The following ATF7 variants were observed in gnomAD, a reference collection of about 807,000 sequenced individuals.
ATF7 encodes activating transcription factor 7, also known as cyclic AMP-dependent transcription factor ATF-7.
ATF7 carries 10 observed loss-of-function variants against 50.4 expected under a neutral mutation model. The observed-to-expected ratio is 0.20, with a 90% CI of 0.12 to 0.34. ATF7 has a LOEUF of 0.34. Among genes scored for constraint, ATF7 ranks in the 10% least tolerant of loss-of-function variants. The probability of loss-of-function intolerance (pLI) is 1.00; values close to 1 mark genes in which losing one functional copy is unlikely to be tolerated. For missense variants in ATF7, 465 were observed against 613.9 expected (o/e 0.76, Z 2.56); for synonymous variants, 201 against 226.4 (o/e 0.89, Z 1.01).
At chr12:53,536,667 C>T (rs916316815) in intron 5 of ATF7, among the ~76,000 whole-genome samples, 6 of 152,070 alleles carry the variant, frequency 3.9e-5, no homozygotes, top group African/African-American at 1.4e-4. Flanking sequence ...GCGGGCAGAT[C>T]GCCTGAGGTC....
rs1367349618 is a variant in ATF7, at chr12:53,532,930, G to A, written c.660+230C>T. On this transcript the variant is annotated intron_variant, in intron 7 of 11. Coordinates refer to ENST00000420353, the MANE Select transcript of ATF7 (RefSeq NM_006856.3). ...GTGAAAGCAACTAATCAGTGGGCTG[G>A]CAAGATCAATTCCTAGACCAGGAGC... 3.3e-5 allele frequency among the ~76,000 whole-genome samples: 5 copies of A among 152,306 alleles called. No individual in the cohort carries two copies. In the East Asian group the frequency reaches 7.7e-4, roughly 23 times the overall value.
intron 1 of ATF7, among the ~76,000 whole-genome samples, chr12:53,625,140 G>A (rs1944553244): frequency 6.6e-6 from 1 of 152,176 alleles, no homozygotes; most frequent in Non-Finnish European, 1.5e-5. Flanking sequence ...CTGGGTAGGA[G>A]GTGCCCTGGG....
In ATF7 at chr12:53,517,089, T is replaced by C. The variant is rs1937751732; in HGVS notation, c.*48A>G. ...GGGATAAGATGACATCTCTCTTGGC[T>C]CTTGGGCGGGCGAGCTCTGGCTGAG... On this transcript the variant is annotated 3_prime_UTR_variant, in exon 12 of 12. Coordinates refer to ENST00000420353, the MANE Select transcript of ATF7 (RefSeq NM_006856.3). 1 of 1,589,662 alleles carries C rather than the reference T, an allele frequency of 6.3e-7. No homozygotes were observed. Among genetic ancestry groups the C allele is most frequent in the Admixed American group, 1.7e-5 (1 of 59,972 alleles).
At chr12:53,526,837 C>A (rs1357659337) in intron 9 of ATF7, among the ~76,000 whole-genome samples, 1 of 151,522 alleles carries the variant, frequency 6.6e-6, no homozygotes, top group Non-Finnish European at 1.5e-5. Flanking sequence ...GGCGACAGAG[C>A]AACACTCGGT....
chr12:53,537,570 T>C lies in ATF7; in HGVS notation c.265-18A>G. 1.9e-6 allele frequency: 3 copies of C among 1,612,050 alleles called. No homozygotes were observed. Among genetic ancestry groups the C allele is most frequent in the Non-Finnish European group, 2.5e-6 (3 of 1,179,346 alleles). ...GCAGCAGCCTGTTGTGAAAGAAAAA[T>C]GAACAGAGTTTAACCCTATGATTCC... On this transcript the variant is annotated intron_variant, in intron 4 of 11. Transcript: ENST00000420353.
At chr12:53,540,447 G>C (rs1309190424) in intron 4 of ATF7, among the ~76,000 whole-genome samples, 2 of 152,208 alleles carry the variant, frequency 1.3e-5, no homozygotes, top group East Asian at 3.9e-4. Context: ...GTCTGGGCCA[G>C]GCGCGGTGGC....
chr12:53,622,667 A>T (rs937203763), intron 1 of ATF7, among the ~76,000 whole-genome samples: 12 of 150,978 alleles, frequency 7.9e-5, no homozygotes, highest in African/African-American at 1.5e-4. Flanking sequence ...AAAAAAAAAA[A>T]AATAGCTTAA....
chr12:53,533,416 G>A (rs1294866987), intron 6 of ATF7, among the ~76,000 whole-genome samples, 157 bp from the exon 7 acceptor site: 1 of 152,130 alleles, frequency 6.6e-6, no homozygotes, highest in Non-Finnish European at 1.5e-5. Flanking sequence ...GAGAAGGCAG[G>A]GAATCCTATT....
At chr12:53,559,642 G>A (rs912221616) in intron 2 of ATF7, among the ~76,000 whole-genome samples, 3 of 136,766 alleles carry the variant, frequency 2.2e-5, no homozygotes, top group African/African-American at 8.4e-5. Context: ...TCATGCCACT[G>A]CACTCCAGCC....
At chr12:53,534,453 A>C (rs1267020679) in intron 6 of ATF7, 49 bp downstream of exon 6, 1 of 1,606,640 alleles carries the variant, frequency 6.2e-7, no homozygotes, top group African/African-American at 1.3e-5. Flanking sequence ...GTTTCATGTA[A>C]TGGAAAGAAA....
intron 3 of ATF7, among the ~76,000 whole-genome samples, chr12:53,544,423 T>C (rs1433234661): frequency 6.6e-6 from 1 of 152,162 alleles, no homozygotes; most frequent in East Asian, 1.9e-4. Context: ...GTTTAAATGA[T>C]ATTTTAAGGA....
At chr12:53,608,316 A>G (rs116525390) in intron 1 of ATF7, among the ~76,000 whole-genome samples, 1 of 152,182 alleles carries the variant, frequency 6.6e-6, no homozygotes, top group African/African-American at 2.4e-5. Flanking sequence ...AAAATTATAC[A>G]AAACTACTCA....
chr12:53,577,052 T>C (rs998185854), intron 2 of ATF7, among the ~76,000 whole-genome samples: 26 of 151,932 alleles, frequency 1.7e-4, no homozygotes, highest in African/African-American at 5.8e-4. Context: ...AGAGAATCTG[T>C]CTCAAAAAAC....
intron 1 of ATF7, among the ~76,000 whole-genome samples, chr12:53,619,486 CAA>C (rs112474373): frequency 2.2e-4 from 14 of 64,024 alleles, no homozygotes; most frequent in Admixed American, 7.6e-4. Context: ...GACTCCGTGT[CAA>C]AAAAAAAAAA....
intron 2 of ATF7, among the ~76,000 whole-genome samples, chr12:53,558,719 A>G (rs149692618): frequency 1.1e-3 from 163 of 152,374 alleles, no homozygotes; most frequent in Middle Eastern, 6.8e-3. Context: ...GAAAAAAAGT[A>G]GCAAGAAAGA....
At chr12:53,600,604 TC>T in intron 2 of ATF7, 1 of 179,552 alleles carries the variant, frequency 5.6e-6, no homozygotes, top group Non-Finnish European at 1.2e-5. Context: ...AGTGCTGGGA[TC>T]ACAGGCGTGA....
At chr12:53,612,179 G>T (rs1011992176) in intron 1 of ATF7, among the ~76,000 whole-genome samples, 5 of 151,254 alleles carry the variant, frequency 3.3e-5, no homozygotes, top group Admixed American at 6.6e-5. Flanking sequence ...TTTCACCATA[G>T]TGGCTAGGCT....
At chr12:53,600,199 A>T (rs1034931371) in intron 2 of ATF7, among the ~76,000 whole-genome samples, 3 of 151,782 alleles carry the variant, frequency 2.0e-5, no homozygotes, top group African/African-American at 4.8e-5. Flanking sequence ...GTCAAAAGAA[A>T]TTTTTTTTTC....
intron 1 of ATF7, among the ~76,000 whole-genome samples, chr12:53,615,718 A>G (rs371929943): frequency 6.6e-6 from 1 of 151,976 alleles, no homozygotes; most frequent in East Asian, 1.9e-4. Context: ...CAAAATAATT[A>G]AAGATTGGCT....
Sources: gnomAD v4.1 joint callset for allele counts (sites outside exome capture counted in the v4.1 genomes callset) on GRCh38, gnomAD v4.1.1 for gene constraint, MANE v1.5 for transcripts, NCBI Gene and HGNC (gene_info 2026-07-23, HGNC 2026-07-21) for gene names.